The following HERC1 variants were observed in gnomAD, a reference collection of about 807,000 sequenced individuals.
The protein encoded by HERC1 is probable E3 ubiquitin-protein ligase HERC1.
HERC1 carries 160 observed loss-of-function variants against 554.3 expected under a neutral mutation model. That is an observed-to-expected ratio of 0.29 (90% CI 0.25 to 0.33). The LOEUF (loss-of-function observed/expected upper bound fraction) is 0.33, where lower values mean the gene tolerates loss of function less well. Ranked by LOEUF, HERC1 falls within the 10% of genes least tolerant of loss-of-function variation. The probability of loss-of-function intolerance (pLI) is 1.00; values close to 1 mark genes in which losing one functional copy is unlikely to be tolerated. For missense variants in HERC1, 4,919 were observed against 5,918.5 expected (o/e 0.83, Z 5.54); for synonymous variants, 2,175 against 2,131.7 (o/e 1.02, Z -0.56).
At chr15:63,722,440 A>G (rs890917560) in intron 19 of HERC1, among the ~76,000 whole-genome samples, 1 of 152,252 alleles carries the variant, frequency 6.6e-6, no homozygotes, top group Non-Finnish European at 1.5e-5. Flanking sequence ...AGCACGGAAT[A>G]TAACAGTCTC....
chr15:63,721,808 A>C (rs2073834559), intron 19 of HERC1, among the ~76,000 whole-genome samples: 1 of 152,180 alleles, frequency 6.6e-6, no homozygotes, highest in Admixed American at 6.5e-5. Context: ...AGGAGCTAAA[A>C]AGAAATCAGG....
At chr15:63,671,038 C>A (rs1048693369) in intron 39 of HERC1, among the ~76,000 whole-genome samples, 2 of 151,968 alleles carry the variant, frequency 1.3e-5, no homozygotes, top group East Asian at 3.9e-4. Flanking sequence ...CCTGTCTCTA[C>A]TAAAAATACA....
chr15:63,651,153 T>C, intron 53 of HERC1, 100 bp downstream of exon 53: 1 of 1,074,884 alleles, frequency 9.3e-7, no homozygotes, highest in Non-Finnish European at 1.4e-6. Context: ...GGCTTGTGAA[T>C]TTCAAGGTGA....
At position 63,718,220 on chromosome 15, in the gene HERC1, T is replaced by C. The variant is rs2073656393; in HGVS notation, c.3978+354A>G. Among the ~76,000 whole-genome samples, 3 of 152,174 alleles carry C rather than the reference T, an allele frequency of 2.0e-5. No homozygotes were observed. The highest frequency in any genetic ancestry group is 2.1e-4 in the South Asian group (1 of 4,838). Reference sequence around the variant, plus strand: ...TTTTGGACTTTATCAATCCAAGGTATTGCTTAATGTCCCTCATAAATTATG... The same window carrying C: ...TTTTGGACTTTATCAATCCAAGGTACTGCTTAATGTCCCTCATAAATTATG... On this transcript the variant is annotated intron_variant, in intron 21 of 77. Coordinates refer to ENST00000443617, the MANE Select transcript of HERC1 (RefSeq NM_003922.4). The surrounding 1 kb of genome is among the most constrained non-coding windows in gnomAD (Gnocchi z 4.2).
At position 63,680,616 on chromosome 15, in the gene HERC1, G is replaced by A. The variant is rs1193286188; in HGVS notation, c.6386C>T (p.Ser2129Phe). 7 of 1,613,500 alleles carry A rather than the reference G, an allele frequency of 4.3e-6. No homozygotes were observed. The highest frequency in any genetic ancestry group is 2.7e-5 in the African/African-American group (2 of 74,914). ...AATGAAATCTCCTTGAGTAAAGCTG[G>A]ACAATGTGAGAGTCTGTTCTCCATT... ...YHNGEQTLTL[S>F]SFTQGDFITC... The change falls in exon 35 of 78, where the codon TCC becomes TTC. Residue 2129 changes from serine (S) to phenylalanine (F), a missense_variant. Physicochemically the swap from Ser to Phe is radical, Grantham distance 155 (BLOSUM62 -2). Transcript: ENST00000443617. The surrounding 1 kb of genome is among the most constrained non-coding windows in gnomAD (Gnocchi z 5.8).
intron 42 of HERC1, 54 bp downstream of exon 42, chr15:63,665,865 G>A (rs978904317): frequency 1.2e-5 from 15 of 1,291,134 alleles, no homozygotes; most frequent in Non-Finnish European, 1.5e-5. Context: ...TATAATAAAT[G>A]GGGCTTTGAA....
Position 63,672,628 on chromosome 15 carries a change from G to C in HERC1, c.7913C>G (p.Pro2638Arg). Reference protein sequence around the residue: ...QQAQTPVTTSPSASSTTSFMS... With the variant: ...QQAQTPVTTSRSASSTTSFMS... The stretch of plus-strand genomic sequence containing the variant: ...AAAGGAGGTCGTGCTTGAGGCTGAT[G>C]GGCTAGTAGTAACTGGTGTCTGTGC... Residue 2638 changes from proline to arginine, a missense_variant, in exon 39 of 78, where the codon CCA becomes CGA. Pro to Arg is a moderately radical substitution (Grantham distance 103). Transcript: ENST00000443617. 1 of 1,612,990 alleles carries C rather than the reference G, an allele frequency of 6.2e-7. No homozygotes were observed. Among genetic ancestry groups the C allele is most frequent in the Non-Finnish European group, 8.5e-7 (1 of 1,179,466 alleles).
At chr15:63,774,059 CTACTT>C (rs1555441875) in intron 2 of HERC1, among the ~76,000 whole-genome samples, 5 of 152,298 alleles carry the variant, frequency 3.3e-5, no homozygotes, top group Non-Finnish European at 4.4e-5. Flanking sequence ...ATTCTGGTCT[CTACTT>C]TAATGTCACA....
At position 63,725,500 on chromosome 15, in the gene HERC1, T is replaced by C. The variant is rs368113274; in HGVS notation, c.3360A>G (p.Leu1120=). The change falls in exon 18 of 78, where the codon CTA becomes CTG. Residue 1120 remains leucine, a synonymous_variant. Coordinates refer to ENST00000443617, the MANE Select transcript of HERC1 (RefSeq NM_003922.4). ...LQWPLHGGPE[L]IDPAGLPLPQ... is the part of the protein sequence containing the mutation. ...GTAATGGCAGACCAGCAGGATCAAT[T>C]AGTTCTGGCCCTCCTAAAGACAAAA... 3.7e-6 allele frequency: 6 copies of C among 1,613,716 alleles called. No individual in the cohort carries two copies. The African/African-American group carries it at 8.0e-5, about 22-fold the overall frequency.
Position 63,775,716 on chromosome 15 carries a change from A to C in HERC1, c.-26-67T>G. 1 of 1,046,204 alleles carries C rather than the reference A, an allele frequency of 9.6e-7. No homozygotes were observed. Among genetic ancestry groups the C allele is most frequent in the Non-Finnish European group, 1.4e-6 (1 of 710,570 alleles). 64.8% of individuals were successfully genotyped at this position (1,046,204 alleles called of 1,614,324 possible). On this transcript the variant is annotated intron_variant, in intron 1 of 77. Coordinates refer to ENST00000443617, the MANE Select transcript of HERC1 (RefSeq NM_003922.4). The surrounding 1 kb of genome is among the most constrained non-coding windows in gnomAD (Gnocchi z 4.0). ...ACTCATAAAATGTTTCCAAAATTTC[A>C]TCTTACATTACAATTAATGATTTCA...
chr15:63,756,167 C>G lies in HERC1; in HGVS notation c.1533+270G>C, dbSNP rs1315663870. On this transcript the variant is annotated intron_variant, in intron 5 of 77. Coordinates refer to ENST00000443617, the MANE Select transcript of HERC1 (RefSeq NM_003922.4). This position sits in a 1 kb window ranked among gnomAD's most constrained non-coding sequence, Gnocchi z 5.0. ...AATACTGCCTGACACTTCAAAAGTGCTAAATGTTTGTTAAATGAATGACTC... is the reference window on the plus strand; with the variant it reads ...AATACTGCCTGACACTTCAAAAGTGGTAAATGTTTGTTAAATGAATGACTC... Among the ~76,000 whole-genome samples the G allele has an allele frequency of 2.6e-5, 4 of 152,144 alleles. No homozygotes were observed. The highest frequency in any genetic ancestry group is 4.4e-5 in the Non-Finnish European group (3 of 68,038).
intron 24 of HERC1, among the ~76,000 whole-genome samples, chr15:63,709,210 T>C (rs1385388513): frequency 6.6e-6 from 1 of 152,036 alleles, no homozygotes; most frequent in African/African-American, 2.4e-5. Flanking sequence ...GTTCCCAGGC[T>C]GGTCTTGAAC....
chr15:63,821,349 T>C (rs1281868453), intron 1 of HERC1, among the ~76,000 whole-genome samples: 1 of 151,846 alleles, frequency 6.6e-6, no homozygotes, highest in Non-Finnish European at 1.5e-5. Context: ...GGTCAGGAGA[T>C]GGAGACCATC....
intron 3 of HERC1, among the ~76,000 whole-genome samples, chr15:63,760,220 A>C (rs1227708700): frequency 6.6e-6 from 1 of 151,990 alleles, no homozygotes; most frequent in Admixed American, 6.6e-5. Flanking sequence ...CTTTTTTTTA[A>C]CATTACACAC....
chr15:63,743,263 C>CTTTTTTTTTTTTTTTTTTTTTTTTTT (rs71131177), intron 12 of HERC1, among the ~76,000 whole-genome samples: 20 of 109,164 alleles, frequency 1.8e-4, no homozygotes, highest in Non-Finnish European at 2.5e-4. Flanking sequence ...TTTTCTTTTT[C>CTTTTTTTTTTTTTTTTTTTTTTTTTT]TTTTTTTTTT....
Position 63,636,981 on chromosome 15 carries a change from CTTTT to C in HERC1, c.12232+520_12232+523del, listed in dbSNP as rs2068809042. Reference sequence around the variant, plus strand: ...TTTTGAACTCATAGTTACTTGTATGCTTTTACCTAAAAAAACCGTCGGTGCTCTC... The same window carrying C: ...TTTTGAACTCATAGTTACTTGTATGCACCTAAAAAAACCGTCGGTGCTCTC... On this transcript the variant is annotated intron_variant, in intron 64 of 77. Coordinates refer to ENST00000443617, the MANE Select transcript of HERC1 (RefSeq NM_003922.4). The C allele has an allele frequency of 1.1e-5, 4 of 367,524 alleles. No homozygotes were observed. In the Admixed American group the frequency reaches 1.5e-4, roughly 13 times the overall value. 22.8% of individuals were successfully genotyped at this position (367,524 alleles called of 1,614,324 possible).
chr15:63,817,950 C>T (rs1479490724), intron 1 of HERC1, among the ~76,000 whole-genome samples: 1 of 151,614 alleles, frequency 6.6e-6, no homozygotes, highest in African/African-American at 2.4e-5. Flanking sequence ...CTACCTATTC[C>T]CATAATAGAT....
At chr15:63,661,227 C>A (rs550338358) in intron 45 of HERC1, among the ~76,000 whole-genome samples, 55 of 152,228 alleles carry the variant, frequency 3.6e-4, no homozygotes, top group African/African-American at 1.3e-3. Context: ...ATTATTTTAC[C>A]AAACTACTGG....
intron 54 of HERC1, among the ~76,000 whole-genome samples, chr15:63,649,016 C>T (rs929642259): frequency 1.8e-4 from 28 of 152,212 alleles, no homozygotes; most frequent in African/African-American, 6.5e-4. Context: ...GAATTCCCTG[C>T]TTCCCCTTCC....
Sources: gnomAD v4.1 joint callset for allele counts (sites outside exome capture counted in the v4.1 genomes callset) on GRCh38, gnomAD v4.1.1 for gene constraint, Gnocchi (gnomAD v3.1) non-coding constraint, MANE v1.5 for transcripts, NCBI Gene and HGNC (gene_info 2026-07-23, HGNC 2026-07-21) for gene names.